C1QTNF3: variants seen among roughly 807,000 people sequenced by gnomAD.
C1QTNF3 encodes complement C1q tumor necrosis factor-related protein 3.
In C1QTNF3, 26 loss-of-function variants were observed where a neutral mutation model predicts 32.6. That is an observed-to-expected ratio of 0.80 (90% CI 0.58 to 1.11). C1QTNF3 has a LOEUF of 1.11. C1QTNF3 is among the 50% of genes least tolerant of loss of function. C1QTNF3 has a pLI of 0.00. For synonymous variants in C1QTNF3, 155 were observed against 146.0 expected, an observed-to-expected ratio of 1.06 and a Z score of -0.44; for missense variants, 362 against 398.2, an observed-to-expected ratio of 0.91 and a Z score of 0.77.
At chr5:34,155,835 CTAAG>C in the C1QTNF3 span, among the ~76,000 whole-genome samples, 3 of 152,022 alleles carry the variant, frequency 2.0e-5, no homozygotes, top group Non-Finnish European at 4.4e-5. Flanking sequence ...AATATGGCTC[CTAAG>C]TGACATTAAG....
chr5:34,140,578 G>A, the C1QTNF3 span, among the ~76,000 whole-genome samples: 7 of 152,202 alleles, frequency 4.6e-5, no homozygotes, highest in Non-Finnish European at 8.8e-5. Flanking sequence ...ATGTTTGTTG[G>A]TCAAAATTGT....
chr5:34,164,456 G>A, the C1QTNF3 span, among the ~76,000 whole-genome samples: 1 of 151,636 alleles, frequency 6.6e-6, no homozygotes, highest in Non-Finnish European at 1.5e-5. Context: ...GCCAGGTGAA[G>A]CAAACAAGCA....
the C1QTNF3 span, among the ~76,000 whole-genome samples, chr5:34,076,559 C>T: frequency 2.1e-4 from 31 of 151,146 alleles, no homozygotes; most frequent in African/African-American, 5.7e-4. Context: ...AAATTTGGGT[C>T]ACAGAATTTC....
At chr5:34,219,019 A>G in the C1QTNF3 span, among the ~76,000 whole-genome samples, 1 of 152,240 alleles carries the variant, frequency 6.6e-6, no homozygotes, top group East Asian at 1.9e-4. Context: ...AAACAAGATC[A>G]TTATGAAGAT....
At chr5:34,079,631 G>A in the C1QTNF3 span, among the ~76,000 whole-genome samples, 2 of 151,650 alleles carry the variant, frequency 1.3e-5, 1 homozygote, top group South Asian at 4.1e-4. Flanking sequence ...TGCCATTTGA[G>A]ATAACACGGA....
the C1QTNF3 span, among the ~76,000 whole-genome samples, chr5:34,103,535 T>C: frequency 1.4e-5 from 2 of 146,982 alleles, no homozygotes; most frequent in African/African-American, 5.1e-5. Flanking sequence ...AAAAAACAGG[T>C]AGTCTGGACG....
At chr5:34,219,768 C>T in the C1QTNF3 span, 1 of 152,142 alleles carries the variant, frequency 6.6e-6, no homozygotes, top group African/African-American at 2.4e-5. Context: ...TATTCCCATG[C>T]CTAGTCAGGC....
At chr5:34,068,600 G>A in the C1QTNF3 span, among the ~76,000 whole-genome samples, 1 of 151,978 alleles carries the variant, frequency 6.6e-6, no homozygotes, top group Non-Finnish European at 1.5e-5. Context: ...TTGTCTTTAT[G>A]CAGAGATATT....
the C1QTNF3 span, among the ~76,000 whole-genome samples, chr5:34,107,388 T>A: frequency 1.3e-5 from 2 of 151,022 alleles, no homozygotes; most frequent in Non-Finnish European, 3.0e-5. Flanking sequence ...GACAGACACA[T>A]GACTCATTGT....
chr5:34,081,954 T>G, the C1QTNF3 span, among the ~76,000 whole-genome samples: 1 of 151,718 alleles, frequency 6.6e-6, no homozygotes, highest in African/African-American at 2.4e-5. Context: ...TCAGAAATAA[T>G]TAATTTTAGT....
chr5:34,082,731 A>G, the C1QTNF3 span, among the ~76,000 whole-genome samples: 1 of 151,742 alleles, frequency 6.6e-6, no homozygotes, highest in South Asian at 2.1e-4. Context: ...GCAACAGACA[A>G]GGGTCAGCCA....
intron 4 of C1QTNF3, among the ~76,000 whole-genome samples, chr5:34,026,489 GAAAGA>G (rs1754462903): frequency 4.3e-5 from 5 of 117,064 alleles, no homozygotes; most frequent in African/African-American, 1.9e-4. Flanking sequence ...GAAAAGAAAA[GAAAGA>G]AAAAAAAAGT....
chr5:34,208,144 T>C, the C1QTNF3 span, among the ~76,000 whole-genome samples: 1 of 152,352 alleles, frequency 6.6e-6, no homozygotes, highest in East Asian at 1.9e-4. Context: ...AGTCTTGCAG[T>C]GTCCATAATT....
chr5:34,196,806 C>T, the C1QTNF3 span, among the ~76,000 whole-genome samples: 2 of 151,732 alleles, frequency 1.3e-5, no homozygotes, highest in East Asian at 3.9e-4. Context: ...ACTGCAGGCG[C>T]CCGCCACCAC....
At chr5:34,023,187 T>C (rs1237269416) in intron 5 of C1QTNF3, among the ~76,000 whole-genome samples, 1 of 152,172 alleles carries the variant, frequency 6.6e-6, no homozygotes, top group African/African-American at 2.4e-5. Flanking sequence ...AGAGCTGCTT[T>C]CATCAGCCTG....
the C1QTNF3 span, among the ~76,000 whole-genome samples, chr5:34,132,435 G>GTGTATA: frequency 6.5e-5 from 9 of 137,742 alleles, no homozygotes; most frequent in East Asian, 2.2e-4. Context: ...GTATGTGTAT[G>GTGTATA]TATATATATA....
chr5:34,173,714 A>G, the C1QTNF3 span, among the ~76,000 whole-genome samples: 2 of 126,512 alleles, frequency 1.6e-5, no homozygotes, highest in Non-Finnish European at 3.3e-5. Context: ...AGTAAGAAAA[A>G]CTTTTTGTGT....
the C1QTNF3 span, among the ~76,000 whole-genome samples, chr5:34,223,800 C>G: frequency 2.5e-3 from 364 of 143,058 alleles, 1 homozygote; most frequent in South Asian, 8.0e-3. Context: ...GTTCTGGCCA[C>G]GGCAATTAGG....
At chr5:34,178,271 C>A in the C1QTNF3 span, among the ~76,000 whole-genome samples, 1 of 152,166 alleles carries the variant, frequency 6.6e-6, no homozygotes, top group Admixed American at 6.5e-5. Flanking sequence ...ACAACTGAAA[C>A]TCCTCCTCAA....
Sources: allele counts gnomAD v4.1 joint callset (sites outside exome capture counted in the v4.1 genomes callset), GRCh38; gene constraint gnomAD v4.1.1; transcripts MANE v1.5; gene names NCBI Gene and HGNC (gene_info 2026-07-23, HGNC 2026-07-21).